Variants in DHRSX observed in about 807,000 individuals in gnomAD.
The protein encoded by DHRSX is polyprenol dehydrogenase.
DHRSX carries 31 observed loss-of-function variants against 34.0 expected under a neutral mutation model. The ratio of observed to expected loss-of-function variants is 0.91; its 90% CI spans 0.69 to 1.23. The LOEUF is 1.23. DHRSX is among the 50% of genes most tolerant of loss of function. The pLI, the probability that DHRSX is intolerant of heterozygous loss-of-function variation, is 0.00. For synonymous variants in DHRSX, 201 were observed against 183.8 expected (o/e 1.09, Z -0.76); for missense variants, 414 against 428.1 (o/e 0.97, Z 0.29).
chrX:2,315,929 T>A, intron 3 of DHRSX, among the ~76,000 whole-genome samples: 2 of 152,242 alleles, frequency 1.3e-5, no homozygotes, highest in South Asian at 4.1e-4. Flanking sequence ...TTTCGCGATC[T>A]CAGCTCACTG....
intron 3 of DHRSX, among the ~76,000 whole-genome samples, chrX:2,370,153 C>T (rs1392328771): frequency 6.6e-6 from 1 of 150,810 alleles, no homozygotes; most frequent in Non-Finnish European, 1.5e-5. Context: ...ATGCACCATT[C>T]CCCCAGTTTG....
chrX:2,360,133 G>A (rs1324403367), intron 3 of DHRSX, among the ~76,000 whole-genome samples: 2 of 152,080 alleles, frequency 1.3e-5, no homozygotes, highest in Non-Finnish European at 2.9e-5. Flanking sequence ...TTGGGGTGAT[G>A]AGGCATGAAG....
intron 3 of DHRSX, among the ~76,000 whole-genome samples, chrX:2,391,402 T>G (rs1012286805): frequency 3.3e-5 from 5 of 152,056 alleles, no homozygotes; most frequent in African/African-American, 1.2e-4. Flanking sequence ...GCACCACTGG[T>G]GCAACACCAG....
intron 5 of DHRSX, among the ~76,000 whole-genome samples, chrX:2,266,170 C>G: frequency 6.8e-6 from 1 of 146,476 alleles, no homozygotes; most frequent in Non-Finnish European, 1.5e-5. Context: ...ACAGCAGATG[C>G]AGGGAGCACT....
intron 3 of DHRSX, among the ~76,000 whole-genome samples, chrX:2,356,066 CAA>C (rs33996876): frequency 1.1e-4 from 12 of 111,994 alleles, no homozygotes; most frequent in African/African-American, 7.1e-5. Flanking sequence ...GACTCCGTCT[CAA>C]AAAAAAAAAA....
chrX:2,485,641 G>C (rs1257114124), intron 1 of DHRSX, among the ~76,000 whole-genome samples: 1 of 83,740 alleles, frequency 1.2e-5, no homozygotes, highest in Non-Finnish European at 2.3e-5. Flanking sequence ...GGAGGAGAGG[G>C]AAGGAGGGAG....
rs148810085 is a variant in DHRSX, at chrX:2,393,952, C to T, written c.286+14793G>A. On this transcript the variant is annotated intron_variant, in intron 3 of 6. Coordinates refer to ENST00000334651, the MANE Select transcript of DHRSX (RefSeq NM_145177.3). ...GCCCGTCTCCTGCGCACACACAACA[C>T]ACAGGGACCATTCGGGGTTCAGGGA... Among the ~76,000 whole-genome samples the T allele has an allele frequency of 5.8e-4, 88 of 152,360 alleles. 5 individuals are homozygous for T. The East Asian group carries it at 0.017, about 29-fold the overall frequency.
intron 1 of DHRSX, among the ~76,000 whole-genome samples, chrX:2,437,694 A>AGTGTGTGTGTGT (rs1167470793): frequency 2.9e-5 from 2 of 69,320 alleles, no homozygotes; most frequent in African/African-American, 1.7e-4. Context: ...AGAGAGAGAG[A>AGTGTGTGTGTGT]GAGAGTGTGT....
intron 3 of DHRSX, among the ~76,000 whole-genome samples, chrX:2,323,613 TA>T (rs1364551284): frequency 2.0e-5 from 3 of 152,004 alleles, no homozygotes; most frequent in Non-Finnish European, 4.4e-5. Flanking sequence ...ATATTTAAAA[TA>T]TATACATAGC....
intron 1 of DHRSX, among the ~76,000 whole-genome samples, chrX:2,496,070 T>A (rs1395289884): frequency 6.6e-6 from 1 of 152,202 alleles, no homozygotes; most frequent in African/African-American, 2.4e-5. Flanking sequence ...GGCCAAAGGG[T>A]ACCAAGTTTC....
In DHRSX at chrX:2,227,152, C is replaced by T. The variant is rs143548963; in HGVS notation, c.805-5923G>A. Among the ~76,000 whole-genome samples the T allele has an allele frequency of 4.7e-3, 711 of 152,120 alleles. 5 individuals carry two copies. The highest frequency in any genetic ancestry group is 0.014 in the African/African-American group (587 of 41,522). ...GTACATGCCAGGCAGTGCTGAGAAC[C>T]GGGCAGGAAGGGAGGGGACAGACGT... On this transcript the variant is annotated intron_variant, in intron 6 of 6. Coordinates refer to ENST00000334651, the MANE Select transcript of DHRSX (RefSeq NM_145177.3).
chrX:2,304,293 G>GGATGGATGGA lies in DHRSX; in HGVS notation c.287-12691_287-12690insTCCATCCATC, dbSNP rs1569485939. 3.2e-5 allele frequency among the ~76,000 whole-genome samples: 3 copies of GGATGGATGGA among 94,844 alleles called. 1 individual carries two copies. In the Admixed American group the frequency reaches 3.4e-4, roughly 11 times the overall value. 62.2% of individuals were successfully genotyped at this position (94,844 alleles called of 152,430 possible). ...GGTGGATGGATGGGTGGGTGGGTGGGTGGATGGATGGATGGATGAATGGAT... is the reference window on the plus strand; with the variant it reads ...GGTGGATGGATGGGTGGGTGGGTGGGGATGGATGGATGGATGGATGGATGGATGAATGGAT... On this transcript the variant is annotated intron_variant, in intron 3 of 6. Transcript: ENST00000334651.
intron 3 of DHRSX, among the ~76,000 whole-genome samples, chrX:2,398,910 T>C (rs2043447790): frequency 1.3e-5 from 2 of 152,088 alleles, no homozygotes; most frequent in Admixed American, 1.3e-4. Context: ...TGGAGTGCAG[T>C]GGCGCGATCT....
chrX:2,391,688 G>A (rs1012234656), intron 3 of DHRSX, among the ~76,000 whole-genome samples: 3 of 152,162 alleles, frequency 2.0e-5, no homozygotes, highest in Non-Finnish European at 2.9e-5. Context: ...CACTTTGGGA[G>A]GCCGAGGTGG....
At chrX:2,474,174 G>A (rs908333267) in intron 1 of DHRSX, among the ~76,000 whole-genome samples, 12 of 151,146 alleles carry the variant, frequency 7.9e-5, no homozygotes, top group African/African-American at 1.7e-4. Flanking sequence ...CCAAGGGATC[G>A]CCACCGTGTA....
intron 1 of DHRSX, among the ~76,000 whole-genome samples, chrX:2,468,177 G>C (rs1353674163): frequency 6.6e-6 from 1 of 152,154 alleles, no homozygotes; most frequent in Non-Finnish European, 1.5e-5. Flanking sequence ...TTCAGGTTCT[G>C]AACCTCTGAT....
chrX:2,437,696 AGAGT>A (rs1389705482), intron 1 of DHRSX, among the ~76,000 whole-genome samples: 87 of 92,310 alleles, frequency 9.4e-4, no homozygotes, highest in African/African-American at 1.2e-3. Context: ...AGAGAGAGAG[AGAGT>A]GTGTGTGTGT....
chrX:2,386,882 G>GT (rs57827913), intron 3 of DHRSX, among the ~76,000 whole-genome samples: 2,973 of 124,018 alleles, frequency 0.024, 41 homozygotes, highest in South Asian at 0.068. Flanking sequence ...TGATGGTTTT[G>GT]TTTTTTTTTT....
chrX:2,221,225 G>C lies in DHRSX; in HGVS notation c.809C>G (p.Pro270Arg). 6.2e-7 allele frequency: 1 copy of C among 1,612,376 alleles called. No individual in the cohort carries two copies. The highest frequency in any genetic ancestry group is 8.5e-7 in the Non-Finnish European group (1 of 1,179,172). ...KLLGWLLFKT[P>R]DEGAWTSIYA... is the part of the protein sequence containing the mutation. Reference sequence around the variant, plus strand: ...GATGGAAGTCCACGCTCCTTCATCGGGGGTCTGGTGGAAGAAGAAAAGAAG... The same window carrying C: ...GATGGAAGTCCACGCTCCTTCATCGCGGGTCTGGTGGAAGAAGAAAAGAAG... The change falls in exon 7 of 7, where the codon CCC becomes CGC. Residue 270 changes from proline (P) to arginine (R), a missense_variant. Physicochemically the swap from Pro to Arg is moderately radical, Grantham distance 103. Transcript: ENST00000334651.
Sources: allele counts gnomAD v4.1 joint callset (sites outside exome capture counted in the v4.1 genomes callset), GRCh38; gene constraint gnomAD v4.1.1; transcripts MANE v1.5; gene names NCBI Gene and HGNC (gene_info 2026-07-23, HGNC 2026-07-21).